GRM5: variants seen among roughly 807,000 people sequenced by gnomAD.
GRM5 encodes metabotropic glutamate receptor 5.
A neutral mutation model predicts 83.1 loss-of-function variants in GRM5; 19 were observed. That is an observed-to-expected ratio of 0.23 (90% CI 0.16 to 0.34). The LOEUF is 0.34. Among genes scored for constraint, GRM5 ranks in the 10% least tolerant of loss-of-function variants. The probability of loss-of-function intolerance (pLI) is 1.00; values close to 1 mark genes in which losing one functional copy is unlikely to be tolerated. For synonymous variants in GRM5, 675 were observed against 633.6 expected (o/e 1.07, Z -0.98); for missense variants, 1,160 against 1,588.3 (o/e 0.73, Z 4.58).
At chr11:89,041,061 A>G (rs1255433538) in intron 2 of GRM5, among the ~76,000 whole-genome samples, 2 of 152,220 alleles carry the variant, frequency 1.3e-5, no homozygotes, top group Non-Finnish European at 2.9e-5. Context: ...GTGGCTGAAC[A>G]CTATAAACCT....
intron 9 of GRM5, among the ~76,000 whole-genome samples, chr11:88,514,914 C>T (rs527563036): frequency 4.6e-5 from 7 of 152,272 alleles, no homozygotes; most frequent in Admixed American, 3.3e-4. Flanking sequence ...CCCTAAGTGA[C>T]GTGGATTTTC....
At chr11:88,849,871 A>T in intron 3 of GRM5, 35 bp downstream of exon 3, 4 of 1,605,690 alleles carry the variant, frequency 2.5e-6, no homozygotes, top group Non-Finnish European at 2.6e-6. Context: ...AATTCCTGGT[A>T]TTAACTCCAT....
chr11:88,974,815 G>A (rs1490713037), intron 2 of GRM5, among the ~76,000 whole-genome samples: 2 of 151,964 alleles, frequency 1.3e-5, no homozygotes, highest in African/African-American at 2.4e-5. Context: ...CATTAAATGA[G>A]GTAAGTAAGT....
At position 88,590,607 on chromosome 11, in the gene GRM5, G is replaced by T; in HGVS notation, c.1684C>A (p.Leu562Ile). Reference protein sequence around the residue: ...CQLGSWPTDDLTGCDLIPVQY... With the variant: ...CQLGSWPTDDITGCDLIPVQY... ...TGAGATTGTGATAGATTACCTGTGA[G>T]ATCATCAGTGGGCCAAGACCCCAGT... Residue 562 changes from leucine (L) to isoleucine (I), a missense_variant, in exon 7 of 10, where the codon CTC becomes ATC. Coordinates refer to ENST00000305447, the MANE Select transcript of GRM5 (RefSeq NM_001143831.3). 2 of 1,611,444 alleles carry T rather than the reference G, an allele frequency of 1.2e-6. No individual in the cohort carries two copies. The highest frequency in any genetic ancestry group is 1.7e-6 in the Non-Finnish European group (2 of 1,177,702).
chr11:88,505,761 T>C lies in GRM5; in HGVS notation c.*2831A>G, dbSNP rs1163265239. ...CATTTAGGGTCACTTTGCTGAGCCTTAGCATATCCCCTTCCTTTTAGTCAT... is the reference window on the plus strand; with the variant it reads ...CATTTAGGGTCACTTTGCTGAGCCTCAGCATATCCCCTTCCTTTTAGTCAT... On this transcript the variant is annotated 3_prime_UTR_variant, in exon 10 of 10. Coordinates refer to ENST00000305447, the MANE Select transcript of GRM5 (RefSeq NM_001143831.3). 6.6e-6 allele frequency: 1 copy of C among 152,210 alleles called. No individual in the cohort carries two copies. The highest frequency in any genetic ancestry group is 1.9e-4 in the East Asian group (1 of 5,200). 9.4% of individuals were successfully genotyped at this position (152,210 alleles called of 1,614,324 possible). A position where few individuals can be genotyped will look rare whatever the true frequency, so the allele number is the denominator to read the frequency against.
At chr11:88,943,492 A>G (rs1938178053) in intron 2 of GRM5, among the ~76,000 whole-genome samples, 1 of 152,064 alleles carries the variant, frequency 6.6e-6, no homozygotes, top group Non-Finnish European at 1.5e-5. Flanking sequence ...CTATGGAAGC[A>G]TATTGCTGCT....
At chr11:88,640,505 C>T (rs1939260262) in intron 4 of GRM5, among the ~76,000 whole-genome samples, 1 of 152,132 alleles carries the variant, frequency 6.6e-6, no homozygotes, top group African/African-American at 2.4e-5. Context: ...GCTGAGTGTC[C>T]TCCAATTAAA....
At chr11:88,537,656 C>T (rs1381716643) in intron 8 of GRM5, among the ~76,000 whole-genome samples, 2 of 152,126 alleles carry the variant, frequency 1.3e-5, no homozygotes, top group Non-Finnish European at 2.9e-5. Context: ...TTCCTTTCTT[C>T]AATATCATCT....
At chr11:89,009,087 T>G in intron 2 of GRM5, 1 of 743,056 alleles carries the variant, frequency 1.3e-6, no homozygotes, top group Non-Finnish European at 2.5e-6. Flanking sequence ...TCTTCCTTCT[T>G]TGTCCCTCTA....
chr11:88,635,295 T>C lies in GRM5; in HGVS notation c.1147+17873A>G, dbSNP rs1334043061. 3.9e-5 allele frequency among the ~76,000 whole-genome samples: 6 copies of C among 152,324 alleles called. No homozygotes were observed. In the East Asian group the frequency reaches 1.2e-3, roughly 29 times the overall value. ...ACAATTTACATTTCTACCAACAGTA[T>C]ACAGGGTTCCCTTTTCTCTACACCC... On this transcript the variant is annotated intron_variant, in intron 4 of 9. Coordinates refer to ENST00000305447, the MANE Select transcript of GRM5 (RefSeq NM_001143831.3).
rs115892065 is a variant in GRM5, at chr11:88,551,452, T to G, written c.2630+15601A>C. On this transcript the variant is annotated intron_variant, in intron 8 of 9. Transcript: ENST00000305447. ...TGAGCACTTACTTAGGTATAAAATGTTGCAGACTCTGACATATTAATTTTC... is the reference window on the plus strand; with the variant it reads ...TGAGCACTTACTTAGGTATAAAATGGTGCAGACTCTGACATATTAATTTTC... Among the ~76,000 whole-genome samples the G allele has an allele frequency of 7.1e-3, 1,083 of 152,310 alleles. 8 individuals carry two copies. Among genetic ancestry groups the G allele is most frequent in the African/African-American group, 0.025 (1,041 of 41,570 alleles).
At chr11:88,879,222 T>C (rs1193925486) in intron 2 of GRM5, among the ~76,000 whole-genome samples, 2 of 152,078 alleles carry the variant, frequency 1.3e-5, no homozygotes, top group African/African-American at 4.8e-5. Context: ...ATTGAATAGA[T>C]TAAATAGATT....
intron 2 of GRM5, among the ~76,000 whole-genome samples, chr11:89,020,285 G>C (rs1591053630): frequency 6.6e-6 from 1 of 152,298 alleles, no homozygotes; most frequent in East Asian, 1.9e-4. Flanking sequence ...AGCATCAAAA[G>C]ACATTTTAGG....
At chr11:88,858,293 C>A (rs1401752172) in intron 2 of GRM5, among the ~76,000 whole-genome samples, 3 of 152,030 alleles carry the variant, frequency 2.0e-5, no homozygotes, top group African/African-American at 4.8e-5. Flanking sequence ...AATTATGTAA[C>A]AAATGTAGAT....
intron 3 of GRM5, among the ~76,000 whole-genome samples, chr11:88,843,633 G>A (rs11021569): frequency 1.3e-5 from 2 of 151,926 alleles, no homozygotes. Flanking sequence ...AGGAAGAATT[G>A]TAAGTCTCTA....
chr11:88,597,340 C>A lies in GRM5; in HGVS notation c.1407G>T (p.Met469Ile). ...AATCTTTTCCCATTTCCTTGAAATTCATTATTTCATACCTTAGGAATAAGA... is the reference window on the plus strand; with the variant it reads ...AATCTTTTCCCATTTCCTTGAAATTAATTATTTCATACCTTAGGAATAAGA... ...NGDSPGRYEIMNFKEMGKDYF... is the reference protein window; with the variant it reads ...NGDSPGRYEIINFKEMGKDYF... The change falls in exon 6 of 10, where the codon ATG (methionine) becomes ATT (isoleucine). Residue 469 changes from methionine to isoleucine, a missense_variant. Met to Ile is a conservative substitution (Grantham distance 10, BLOSUM62 1). Coordinates refer to ENST00000305447, the MANE Select transcript of GRM5 (RefSeq NM_001143831.3). The A allele has an allele frequency of 6.7e-7, 1 of 1,483,902 alleles. No homozygotes were observed. Among genetic ancestry groups the A allele is most frequent in the South Asian group, 1.2e-5 (1 of 86,020 alleles). 91.9% of individuals were successfully genotyped at this position (1,483,902 alleles called of 1,614,324 possible). A position where few individuals can be genotyped will look rare whatever the true frequency, so the allele number is the denominator to read the frequency against.
intron 2 of GRM5, among the ~76,000 whole-genome samples, chr11:88,946,539 T>C (rs1164726406): frequency 6.6e-6 from 1 of 152,116 alleles, no homozygotes; most frequent in Non-Finnish European, 1.5e-5. Flanking sequence ...TAGATGCTAT[T>C]ATCCTAAGCA....
intron 2 of GRM5, among the ~76,000 whole-genome samples, chr11:88,902,435 C>T (rs1025013851): frequency 2.0e-5 from 3 of 152,180 alleles, no homozygotes; most frequent in African/African-American, 7.2e-5. Flanking sequence ...CTAGCACATA[C>T]TGAGTATTCA....
intron 2 of GRM5, among the ~76,000 whole-genome samples, chr11:88,998,347 T>A (rs1463384571): frequency 6.6e-6 from 1 of 152,094 alleles, no homozygotes; most frequent in African/African-American, 2.4e-5. Flanking sequence ...AACGCAGAGA[T>A]ACCATTTGAT....
Sources: gnomAD v4.1 joint callset for allele counts (sites outside exome capture counted in the v4.1 genomes callset) on GRCh38, gnomAD v4.1.1 for gene constraint, MANE v1.5 for transcripts, NCBI Gene and HGNC (gene_info 2026-07-23, HGNC 2026-07-21) for gene names.